FANCC: variants seen among roughly 807,000 people sequenced by gnomAD.
The protein encoded by FANCC is FA complementation group C.
Under a neutral mutation model 71.3 loss-of-function variants are expected in FANCC, and 55 were observed. The observed-to-expected ratio is 0.77, with a 90% CI of 0.62 to 0.97. FANCC has a LOEUF of 0.97. FANCC is among the 50% of genes least tolerant of loss of function. The probability of loss-of-function intolerance (pLI) is 0.00; values close to 1 mark genes in which losing one functional copy is unlikely to be tolerated. For synonymous variants in FANCC, 275 were observed against 244.9 expected (o/e 1.12, Z -1.15); for missense variants, 678 against 670.9 (o/e 1.01, Z -0.12).
At chr9:95,294,301 G>C in intron 1 of FANCC, 1 of 1,583,782 alleles carries the variant, frequency 6.3e-7, no homozygotes, top group Non-Finnish European at 8.7e-7. Context: ...TGAAGAGAGT[G>C]AACTTAGCAC....
At chr9:95,273,038 T>C (rs1832826887) in intron 1 of FANCC, among the ~76,000 whole-genome samples, 1 of 152,210 alleles carries the variant, frequency 6.6e-6, no homozygotes, top group African/African-American at 2.4e-5. Flanking sequence ...CCCTGGCACC[T>C]AGACTAATAT....
rs530767788 is a variant in FANCC, at chr9:95,185,231, C to G, written c.346-13084G>C. ...AAGAATTAAAAGATATTCCAACATG[C>G]AAATAGCACTCTTCATATTAGAATA... On this transcript the variant is annotated intron_variant, in intron 4 of 14. Transcript: ENST00000289081. 2.0e-5 allele frequency among the ~76,000 whole-genome samples: 3 copies of G among 152,292 alleles called. No individual in the cohort carries two copies. The South Asian group carries it at 6.2e-4, about 32-fold the overall frequency.
At chr9:95,269,200 C>T (rs991204868) in intron 1 of FANCC, among the ~76,000 whole-genome samples, 1 of 152,160 alleles carries the variant, frequency 6.6e-6, no homozygotes, top group African/African-American at 2.4e-5. Context: ...TTAATGAATA[C>T]TGCCATTTCT....
At chr9:95,123,562 C>G (rs912227767) in intron 10 of FANCC, 4 of 552,222 alleles carry the variant, frequency 7.2e-6, no homozygotes, top group Non-Finnish European at 1.4e-5. Context: ...CCAAAAAGGG[C>G]CGCGGCCACG....
chr9:95,309,391 G>A (rs1770840771), intron 1 of FANCC, among the ~76,000 whole-genome samples: 1 of 152,150 alleles, frequency 6.6e-6, no homozygotes, highest in African/African-American at 2.4e-5. Context: ...TCAAGCAAAA[G>A]CAGCAATTCG....
Position 95,163,647 on chromosome 9 carries a change from C to T in FANCC, c.521+7432G>A, listed in dbSNP as rs149565916. The stretch of plus-strand genomic sequence containing the variant: ...AGTGGATCACCTGAGGTCAGGAGTT[C>T]GAGACCAGCATGACCAACACGGAGA... On this transcript the variant is annotated intron_variant, in intron 6 of 14. Transcript: ENST00000289081. Among the ~76,000 whole-genome samples the T allele has an allele frequency of 1.6e-3, 236 of 152,198 alleles. 1 individual carries two copies. Among genetic ancestry groups the T allele is most frequent in the African/African-American group, 5.4e-3 (223 of 41,526 alleles).
chr9:95,153,988 G>A (rs1166784554), intron 6 of FANCC, among the ~76,000 whole-genome samples: 1 of 152,084 alleles, frequency 6.6e-6, no homozygotes, highest in African/African-American at 2.4e-5. Context: ...GCTCATGCCT[G>A]TAATCCCAGC....
intron 6 of FANCC, among the ~76,000 whole-genome samples, chr9:95,161,300 A>C (rs555815872): frequency 2.6e-5 from 4 of 152,330 alleles, no homozygotes; most frequent in African/African-American, 9.6e-5. Flanking sequence ...CTGGAAGGAG[A>C]AGCCAGCCCG....
rs117358335 is a variant in FANCC, at chr9:95,166,046, T to C, written c.521+5033A>G. On this transcript the variant is annotated intron_variant, in intron 6 of 14. Coordinates refer to ENST00000289081, the MANE Select transcript of FANCC (RefSeq NM_000136.3). ...CTTTTTCTTTGTCTCTTTTGATAGT[T>C]TGATATAAGTATGGCTATGCCTGCT... Among the ~76,000 whole-genome samples, 47 of 152,158 alleles carry C rather than the reference T, an allele frequency of 3.1e-4. No homozygotes were observed. The East Asian group carries it at 8.7e-3, about 28-fold the overall frequency.
intron 6 of FANCC, among the ~76,000 whole-genome samples, chr9:95,169,790 T>TA (rs895569512): frequency 1.3e-5 from 2 of 152,218 alleles, no homozygotes; most frequent in African/African-American, 2.4e-5. Flanking sequence ...TACTGGAAAA[T>TA]AAGGTCTAGG....
chr9:95,163,170 A>G (rs1304391473), intron 6 of FANCC, among the ~76,000 whole-genome samples: 1 of 152,188 alleles, frequency 6.6e-6, no homozygotes, highest in Admixed American at 6.5e-5. Flanking sequence ...AGTTTTCCCA[A>G]CACCAATTAT....
chr9:95,272,094 G>A (rs1338447456), intron 1 of FANCC, among the ~76,000 whole-genome samples: 1 of 151,204 alleles, frequency 6.6e-6, no homozygotes, highest in African/African-American at 2.4e-5. Flanking sequence ...CCGCCACCAC[G>A]CCTGGCTAAA....
In FANCC at chr9:95,207,161, G is replaced by C. The variant is rs118149453; in HGVS notation, c.345+33488C>G. Among the ~76,000 whole-genome samples, 8 of 152,260 alleles carry C rather than the reference G, an allele frequency of 5.3e-5. No homozygotes were observed. In the East Asian group the frequency reaches 1.5e-3, roughly 29 times the overall value. On this transcript the variant is annotated intron_variant, in intron 4 of 14. Coordinates refer to ENST00000289081, the MANE Select transcript of FANCC (RefSeq NM_000136.3). ...AGACCCTAAACCTCCACCTAAACTGGTCTATATCAGGGTGCCTGCCTTGGG... is the reference window on the plus strand; with the variant it reads ...AGACCCTAAACCTCCACCTAAACTGCTCTATATCAGGGTGCCTGCCTTGGG...
intron 1 of FANCC, among the ~76,000 whole-genome samples, chr9:95,283,656 T>C (rs1327168798): frequency 6.6e-6 from 1 of 152,244 alleles, no homozygotes; most frequent in African/African-American, 2.4e-5. Context: ...CCAATTATAA[T>C]ATTACATGCA....
chr9:95,220,877 TAATAAATA>T (rs200843713), intron 4 of FANCC, among the ~76,000 whole-genome samples: 75 of 151,724 alleles, frequency 4.9e-4, no homozygotes, highest in African/African-American at 1.7e-3. Context: ...TAAAAAATAA[TAATAAATA>T]AATAAATAAA....
intron 4 of FANCC, among the ~76,000 whole-genome samples, chr9:95,217,735 A>G (rs985069632): frequency 6.6e-6 from 1 of 152,142 alleles, no homozygotes; most frequent in African/African-American, 2.4e-5. Flanking sequence ...AATTAAATAT[A>G]AAGTAAGTAG....
rs925930059 is a variant in FANCC at position 95,099,439 on chromosome 9, C to T, written c.*2268G>A. The T allele has an allele frequency of 4.0e-5, 9 of 226,888 alleles. No individual in the cohort carries two copies. The highest frequency in any genetic ancestry group is 7.8e-5 in the Non-Finnish European group (9 of 115,000). 14.1% of individuals were successfully genotyped at this position (226,888 alleles called of 1,614,324 possible). ...CAAGGCCCCCTCGGCCACGCCGCGTCCCCGCCCAGCATCTCGGATGCCATT... is the reference window on the plus strand; with the variant it reads ...CAAGGCCCCCTCGGCCACGCCGCGTTCCCGCCCAGCATCTCGGATGCCATT... On this transcript the variant is annotated 3_prime_UTR_variant, in exon 15 of 15. Coordinates refer to ENST00000289081, the MANE Select transcript of FANCC (RefSeq NM_000136.3).
chr9:95,162,096 C>A (rs1198960184), intron 6 of FANCC, among the ~76,000 whole-genome samples: 3 of 152,208 alleles, frequency 2.0e-5, no homozygotes. Context: ...CCTGCCTTGG[C>A]CTCCCAATGT....
chr9:95,296,226 C>T (rs1456571889), intron 1 of FANCC, among the ~76,000 whole-genome samples: 1 of 152,100 alleles, frequency 6.6e-6, no homozygotes, highest in Admixed American at 6.5e-5. Context: ...ATATTAAAAC[C>T]TCTCTATCAC....
Sources: allele counts gnomAD v4.1 joint callset (sites outside exome capture counted in the v4.1 genomes callset), GRCh38; gene constraint gnomAD v4.1.1; transcripts MANE v1.5; gene names NCBI Gene and HGNC (gene_info 2026-07-23, HGNC 2026-07-21).